SYT17: variants seen among roughly 807,000 people sequenced by gnomAD.
SYT17 encodes the protein synaptotagmin-17.
A neutral mutation model predicts 46.7 loss-of-function variants in SYT17; 22 were observed. The ratio of observed to expected loss-of-function variants is 0.47; its 90% CI spans 0.34 to 0.67. The LOEUF (loss-of-function observed/expected upper bound fraction) is 0.67. Ranked by LOEUF, SYT17 falls within the 30% of genes least tolerant of loss-of-function variation. The pLI is 0.01. For missense variants in SYT17, 519 were observed against 612.8 expected (o/e 0.85, Z 1.62); for synonymous variants, 251 against 248.4 (o/e 1.01, Z -0.10).
In SYT17 at chr16:19,252,937, T is replaced by TGC. The variant is rs1184136616; in HGVS notation, c.1229-13942_1229-13941dup. On this transcript the variant is annotated intron_variant, in intron 7 of 7. Coordinates refer to ENST00000355377, the MANE Select transcript of SYT17 (RefSeq NM_016524.4). ...CACCCAGAGATTTGTTAAAACAGAC[T>TGC]GCTGAGCCCCTGCCCAAGAGTTTCT... Among the ~76,000 whole-genome samples the TGC allele has an allele frequency of 2.6e-5, 4 of 152,160 alleles. No homozygotes were observed. In the East Asian group the frequency reaches 7.7e-4, roughly 29 times the overall value.
Position 19,266,894 on chromosome 16 carries a change from A to G in SYT17, c.1243A>G (p.Met415Val), listed in dbSNP as rs775049954. The G allele has an allele frequency of 1.2e-6, 2 of 1,613,120 alleles. No homozygotes were observed. The highest frequency in any genetic ancestry group is 1.7e-6 in the Non-Finnish European group (2 of 1,179,782). ...SLVFTVFGHNMKSSNDFIGRI... is the reference protein window; with the variant it reads ...SLVFTVFGHNVKSSNDFIGRI... ...TGGCTCCCTAGTTTTCGGCCACAAC[A>G]TGAAGAGCAGCAATGACTTCATCGG... Residue 415 changes from methionine (M) to valine (V), a missense_variant, in exon 8 of 8, where the codon ATG (methionine) becomes GTG (valine). Met to Val is a conservative substitution (Grantham distance 21, BLOSUM62 1). Coordinates refer to ENST00000355377, the MANE Select transcript of SYT17 (RefSeq NM_016524.4).
intron 5 of SYT17, among the ~76,000 whole-genome samples, chr16:19,220,171 T>C (rs932427627): frequency 1.3e-5 from 2 of 151,962 alleles, no homozygotes; most frequent in Non-Finnish European, 2.9e-5. Context: ...GCAGCAGGAA[T>C]GTAAAGGGGC....
chr16:19,190,251 A>T (rs1318340295), intron 5 of SYT17, among the ~76,000 whole-genome samples: 3 of 152,164 alleles, frequency 2.0e-5, no homozygotes, highest in African/African-American at 7.2e-5. Flanking sequence ...GGCACCTATA[A>T]TCCCAGCTAC....
chr16:19,179,964 G>C (rs1293012893), intron 3 of SYT17, among the ~76,000 whole-genome samples: 1 of 152,242 alleles, frequency 6.6e-6, no homozygotes, highest in Non-Finnish European at 1.5e-5. Flanking sequence ...TATAGACACA[G>C]TGACTGTTGA....
chr16:19,255,885 A>G (rs1968525829), intron 7 of SYT17, among the ~76,000 whole-genome samples: 1 of 152,150 alleles, frequency 6.6e-6, no homozygotes, highest in Admixed American at 6.5e-5. Context: ...AAATTCATGG[A>G]GTGAGGAGTC....
At chr16:19,219,982 A>T (rs934395584) in intron 5 of SYT17, among the ~76,000 whole-genome samples, 1 of 152,184 alleles carries the variant, frequency 6.6e-6, no homozygotes, top group South Asian at 2.1e-4. Context: ...CATTGCTCAT[A>T]CTAGAGTAGA....
intron 7 of SYT17, among the ~76,000 whole-genome samples, chr16:19,254,783 C>T (rs1410390361): frequency 6.6e-6 from 1 of 152,162 alleles, no homozygotes; most frequent in East Asian, 1.9e-4. Context: ...AAAACAAGCA[C>T]GTTGCTTTAT....
chr16:19,258,918 C>T (rs1253111617), intron 7 of SYT17, among the ~76,000 whole-genome samples: 1 of 152,208 alleles, frequency 6.6e-6, no homozygotes, highest in Admixed American at 6.5e-5. Context: ...ATCCCAGGCT[C>T]CTTCAAAGCC....
At chr16:19,227,481 AATTTTTTGT>A (rs1275811414) in intron 7 of SYT17, among the ~76,000 whole-genome samples, 2 of 151,758 alleles carry the variant, frequency 1.3e-5, no homozygotes, top group Admixed American at 6.6e-5. Flanking sequence ...ATGCCTGGAT[AATTTTTTGT>A]ATTTTTTGTA....
intron 5 of SYT17, among the ~76,000 whole-genome samples, chr16:19,221,125 G>A (rs183089352): frequency 1.3e-5 from 2 of 149,746 alleles, no homozygotes; most frequent in Admixed American, 6.7e-5. Flanking sequence ...GGAATTTGAG[G>A]TTGCAGGGAG....
intron 5 of SYT17, among the ~76,000 whole-genome samples, chr16:19,201,665 C>G (rs1161637277): frequency 1.5e-5 from 2 of 132,360 alleles, no homozygotes; most frequent in Admixed American, 7.4e-5. Context: ...AAGGGATGCC[C>G]CTGCTTAAAA....
chr16:19,204,683 T>C (rs1389078047), intron 5 of SYT17, among the ~76,000 whole-genome samples: 1 of 152,050 alleles, frequency 6.6e-6, no homozygotes, highest in Non-Finnish European at 1.5e-5. Context: ...GGGGCACTTG[T>C]GAAACATTCT....
At position 19,180,650 on chromosome 16, in the gene SYT17, G is replaced by A; in HGVS notation, c.331+111G>A. ...TTGCTGGGGGAGGGCGGCAGAGTGG[G>A]ATGACAGTCCAGGAGACAGGGCGAG... On this transcript the variant is annotated intron_variant, in intron 4 of 7. Transcript: ENST00000355377. 7 of 1,335,210 alleles carry A rather than the reference G, an allele frequency of 5.2e-6. No homozygotes were observed. The South Asian group carries it at 9.1e-5, about 17-fold the overall frequency. The allele number at this position is 1,335,210 out of a possible 1,614,324, so 82.7% of individuals were successfully genotyped here.
chr16:19,192,047 T>C (rs1278868029), intron 5 of SYT17, among the ~76,000 whole-genome samples: 1 of 152,222 alleles, frequency 6.6e-6, no homozygotes, highest in Non-Finnish European at 1.5e-5. Context: ...GCTCCCAAAG[T>C]GTTGGGATTA....
intron 7 of SYT17, among the ~76,000 whole-genome samples, chr16:19,255,239 C>T (rs1023096852): frequency 1.3e-5 from 2 of 152,104 alleles, no homozygotes; most frequent in Non-Finnish European, 2.9e-5. Context: ...GGGGAGGCTT[C>T]GGTTTTAATG....
At chr16:19,188,910 T>C (rs8062764) in intron 5 of SYT17, among the ~76,000 whole-genome samples, 39,165 of 151,968 alleles carry the variant, frequency 0.26, 6,981 homozygotes, top group African/African-American at 0.51. Flanking sequence ...TTTTTTGAGA[T>C]GAGTGCTGCT....
intron 5 of SYT17, among the ~76,000 whole-genome samples, chr16:19,196,831 T>G (rs952971293): frequency 9.2e-5 from 14 of 152,208 alleles, no homozygotes; most frequent in African/African-American, 3.4e-4. Context: ...ACCATTGTAA[T>G]GTCATCCAGA....
chr16:19,250,754 C>T (rs1968000900), intron 7 of SYT17, among the ~76,000 whole-genome samples: 1 of 151,800 alleles, frequency 6.6e-6, no homozygotes. Context: ...TATTGAAGTC[C>T]AACACACATA....
At chr16:19,172,970 G>A (rs1964159606) in intron 2 of SYT17, 193 bp downstream of exon 2, 2 of 656,224 alleles carry the variant, frequency 3.0e-6, no homozygotes, top group South Asian at 4.1e-5. Context: ...GACAAGACAA[G>A]TTTCCCTCTC....
Sources: gnomAD v4.1 joint callset for allele counts (sites outside exome capture counted in the v4.1 genomes callset) on GRCh38, gnomAD v4.1.1 for gene constraint, MANE v1.5 for transcripts, NCBI Gene and HGNC (gene_info 2026-07-23, HGNC 2026-07-21) for gene names.